ARHGAP6: variants seen among roughly 807,000 people sequenced by gnomAD.
ARHGAP6 encodes the protein rho GTPase-activating protein 6.
In ARHGAP6, 16 loss-of-function variants were observed where a neutral mutation model predicts 55.7. The observed-to-expected ratio is 0.29, with a 90% confidence interval of 0.19 to 0.44. The LOEUF (loss-of-function observed/expected upper bound fraction) is 0.44, where lower values mean the gene tolerates loss of function less well. Among genes scored for constraint, ARHGAP6 ranks in the 20% least tolerant of loss-of-function variants. ARHGAP6 has a pLI of 1.00. For missense variants in ARHGAP6, 698 were observed against 808.9 expected, an observed-to-expected ratio of 0.86 and a Z score of 1.66; for synonymous variants, 382 against 360.9, an observed-to-expected ratio of 1.06 and a Z score of -0.66.
At chrX:11,294,701 T>G in intron 1 of ARHGAP6, 1 of 1,016,140 alleles carries the variant, frequency 9.8e-7, no homozygotes, top group Non-Finnish European at 1.4e-6. Flanking sequence ...ATGTAGATTA[T>G]GTGTGTTTTA....
intron 1 of ARHGAP6, among the ~76,000 whole-genome samples, chrX:11,259,475 C>T (rs1174979928): frequency 8.9e-6 from 1 of 112,009 alleles, no homozygotes; most frequent in Non-Finnish European, 1.9e-5. Flanking sequence ...TTTGAGTGTG[C>T]ATCCACATTG....
At chrX:11,332,599 T>A (rs1285679776) in intron 1 of ARHGAP6, among the ~76,000 whole-genome samples, 1 of 111,958 alleles carries the variant, frequency 8.9e-6, no homozygotes, top group Non-Finnish European at 1.9e-5. Context: ...TAGACTAAAC[T>A]TTTTTATTTT....
At chrX:11,552,991 A>G (rs927267174) in intron 1 of ARHGAP6, among the ~76,000 whole-genome samples, 4 of 110,858 alleles carry the variant, frequency 3.6e-5, no homozygotes, top group Non-Finnish European at 7.6e-5. Context: ...ACCACAAAAC[A>G]AGATAAGTAT....
At chrX:11,585,131 A>G (rs901763683) in intron 1 of ARHGAP6, among the ~76,000 whole-genome samples, 1 of 112,596 alleles carries the variant, frequency 8.9e-6, no homozygotes, top group African/African-American at 3.2e-5. Context: ...TTATGGCCAC[A>G]TAGTATTCCA....
chrX:11,518,291 C>A (rs1180466015), intron 1 of ARHGAP6, among the ~76,000 whole-genome samples: 2 of 109,881 alleles, frequency 1.8e-5, no homozygotes. Context: ...CAGATGCATA[C>A]CACCACACTT....
At chrX:11,518,126 G>C (rs2050864697) in intron 1 of ARHGAP6, among the ~76,000 whole-genome samples, 1 of 110,967 alleles carries the variant, frequency 9.0e-6, no homozygotes, top group Admixed American at 9.7e-5. Flanking sequence ...TTGTCCTCCT[G>C]TCTTCAATTT....
intron 1 of ARHGAP6, among the ~76,000 whole-genome samples, chrX:11,589,078 G>T (rs2147127169): frequency 9.9e-6 from 1 of 100,863 alleles, no homozygotes; most frequent in Admixed American, 1.1e-4. Flanking sequence ...GTCTTGCTCT[G>T]TCACCCGGGC....
chrX:11,393,465 A>T (rs745804304), intron 1 of ARHGAP6, among the ~76,000 whole-genome samples: 41 of 112,003 alleles, frequency 3.7e-4, no homozygotes, highest in Non-Finnish European at 6.2e-4. Flanking sequence ...ATGCATAGAC[A>T]TTATGTTATT....
chrX:11,329,355 A>C (rs1392991234), intron 1 of ARHGAP6, among the ~76,000 whole-genome samples: 1 of 112,165 alleles, frequency 8.9e-6, no homozygotes, highest in Non-Finnish European at 1.9e-5. Context: ...CTGTAGCAGC[A>C]GCCACAGTTT....
intron 1 of ARHGAP6, among the ~76,000 whole-genome samples, chrX:11,422,845 A>G (rs974625580): frequency 2.7e-5 from 3 of 112,411 alleles, no homozygotes; most frequent in Non-Finnish European, 3.8e-5. Flanking sequence ...TTTTTTATCA[A>G]TTAGTAGTGG....
At chrX:11,431,872 G>T (rs1319133839) in intron 1 of ARHGAP6, among the ~76,000 whole-genome samples, 1 of 112,074 alleles carries the variant, frequency 8.9e-6, no homozygotes, top group Non-Finnish European at 1.9e-5. Flanking sequence ...ACACTGTCAT[G>T]ACTTCACTTC....
intron 8 of ARHGAP6, among the ~76,000 whole-genome samples, chrX:11,173,827 T>C (rs2046128976): frequency 9.0e-6 from 1 of 111,019 alleles, no homozygotes; most frequent in Admixed American, 9.5e-5. Flanking sequence ...CCACCCCCCA[T>C]CCCAACTCTG....
intron 1 of ARHGAP6, among the ~76,000 whole-genome samples, chrX:11,610,141 A>T: frequency 9.0e-6 from 1 of 111,339 alleles, no homozygotes; most frequent in East Asian, 2.8e-4. Context: ...AAAAAAAAAA[A>T]AAAAATACAA....
Position 11,186,346 on chromosome X carries a change from T to G in ARHGAP6, c.1163A>C (p.Glu388Ala), listed in dbSNP as rs750219678. 1 of 1,209,393 alleles carries G rather than the reference T, an allele frequency of 8.3e-7. No individual in the cohort carries two copies. The highest frequency in any genetic ancestry group is 1.8e-5 in the South Asian group (1 of 56,802). ...GGCTTTTTCCTTTTTACTTTGAGCC[T>G]CAGCAGGCAAGGAAAGTTGTAAAGC... ...LEALQLSLPAEAQSKKEKARD... is the reference protein window; with the variant it reads ...LEALQLSLPAAAQSKKEKARD... The change falls in exon 5 of 13, where the codon GAG becomes GCG. Residue 388 changes from glutamate to alanine, a missense_variant. Around this residue, in one of 3 missense-constraint regions of ARHGAP6, gnomAD observed 322 missense variants for 451.1 expected, o/e 0.71. Transcript: ENST00000337414.
intron 1 of ARHGAP6, among the ~76,000 whole-genome samples, chrX:11,570,848 T>C (rs1216013122): frequency 1.8e-5 from 2 of 111,858 alleles, no homozygotes; most frequent in Admixed American, 9.5e-5. Context: ...TTAATCCCTA[T>C]TGTGGTGGTA....
At chrX:11,572,148 T>C (rs912773753) in intron 1 of ARHGAP6, among the ~76,000 whole-genome samples, 2 of 111,854 alleles carry the variant, frequency 1.8e-5, no homozygotes, top group African/African-American at 6.5e-5. Context: ...ATCAGGATAA[T>C]CAAATCATAA....
chrX:11,353,581 T>C (rs1158773936), intron 1 of ARHGAP6, among the ~76,000 whole-genome samples: 2 of 106,659 alleles, frequency 1.9e-5, no homozygotes, highest in African/African-American at 6.8e-5. Context: ...TGTGTGTGTG[T>C]GTGTGTGTGT....
chrX:11,327,774 T>C (rs936280821), intron 1 of ARHGAP6, among the ~76,000 whole-genome samples: 3 of 111,937 alleles, frequency 2.7e-5, no homozygotes, highest in African/African-American at 9.7e-5. Context: ...AATCATAACC[T>C]GCTTTTGAGT....
intron 10 of ARHGAP6, 99 bp downstream of exon 10, chrX:11,156,430 G>A: frequency 1.3e-6 from 1 of 756,555 alleles, no homozygotes; most frequent in South Asian, 3.1e-5. Flanking sequence ...TCCACTTCAG[G>A]TCACCCTGCA....
Sources: gnomAD v4.1 joint callset for allele counts (sites outside exome capture counted in the v4.1 genomes callset) on GRCh38, gnomAD v4.1.1 for gene constraint, gnomAD v4.1.1 regional missense constraint, MANE v1.5 for transcripts, NCBI Gene and HGNC (gene_info 2026-07-23, HGNC 2026-07-21) for gene names.